Variants in XYLB observed in about 807,000 individuals in gnomAD.
XYLB encodes the protein xylulokinase, also known as xylulose kinase.
XYLB carries 62 observed loss-of-function variants against 78.7 expected under a neutral mutation model. The ratio of observed to expected loss-of-function variants is 0.79; its 90% CI spans 0.64 to 0.97. The LOEUF is 0.97. Among genes scored for constraint, XYLB ranks in the 50% least tolerant of loss-of-function variants. XYLB has a pLI of 0.00. For synonymous variants in XYLB, 245 were observed against 247.4 expected, an observed-to-expected ratio of 0.99 and a Z score of 0.09; for missense variants, 687 against 676.8, an observed-to-expected ratio of 1.02 and a Z score of -0.17.
At chr3:38,439,628 G>A in the XYLB span, among the ~76,000 whole-genome samples, 4,467 of 152,214 alleles carry the variant, frequency 0.029, 184 homozygotes, top group East Asian at 0.16. Flanking sequence ...CAGGCACAGT[G>A]GTGGGCACCT....
At chr3:38,351,671 C>T (rs763178779) in intron 2 of XYLB, among the ~76,000 whole-genome samples, 17 of 152,166 alleles carry the variant, frequency 1.1e-4, no homozygotes, top group Admixed American at 5.2e-4. Context: ...TCTTTGCAAG[C>T]GATGCCTCCT....
chr3:38,366,965 A>C (rs1175698055), intron 7 of XYLB, 92 bp downstream of exon 7: 1 of 856,476 alleles, frequency 1.2e-6, no homozygotes, highest in Non-Finnish European at 1.9e-6. Context: ...AGTGACTGAA[A>C]ACATTGATAA....
Position 38,365,223 on chromosome 3 carries a change from G to C in XYLB, c.316G>C (p.Ala106Pro). 1 of 1,614,202 alleles carries C rather than the reference G, an allele frequency of 6.2e-7. No homozygotes were observed. Among genetic ancestry groups the C allele is most frequent in the Non-Finnish European group, 8.5e-7 (1 of 1,180,030 alleles). ...GCAACACGGAAGTATATACTGGAAG[G>C]CTGGAGCCCAGCAGGCACTGACAAG... The part of the protein sequence containing the change: ...GQQHGSIYWK[A>P]GAQQALTSLS... The change falls in exon 5 of 19, where the codon GCT becomes CCT. Residue 106 changes from alanine (A) to proline (P), a missense_variant. Coordinates refer to ENST00000207870, the MANE Select transcript of XYLB (RefSeq NM_005108.4).
the XYLB span, among the ~76,000 whole-genome samples, chr3:38,430,033 T>C: frequency 6.6e-6 from 1 of 152,236 alleles, no homozygotes; most frequent in Admixed American, 6.5e-5. Flanking sequence ...CGTGTGTCTT[T>C]ATAGTAGCAT....
At position 38,379,336 on chromosome 3, in the gene XYLB, C is replaced by T. The variant is rs573319439; in HGVS notation, c.1285C>T (p.Arg429Ter). ...KRIHAEGLGYRVMSKTKILAT... is the reference protein window; with the variant it reads ...KRIHAEGLGY ...GATTCACGCAGAAGGCCTGGGCTATCGAGTCAGTAAGTGAGCCACTGGCAG... is the reference window on the plus strand; with the variant it reads ...GATTCACGCAGAAGGCCTGGGCTATTGAGTCAGTAAGTGAGCCACTGGCAG... The change falls in exon 15 of 19, where the codon CGA becomes TGA. Residue 429 changes from arginine (R) to a stop codon, truncating the protein, a stop_gained. Coordinates refer to ENST00000207870, the MANE Select transcript of XYLB (RefSeq NM_005108.4). LOFTEE classifies it high-confidence loss of function. The T allele has an allele frequency of 2.5e-5, 40 of 1,613,902 alleles. No individual in the cohort carries two copies. Among genetic ancestry groups the T allele is most frequent in the South Asian group, 4.4e-5 (4 of 91,086 alleles).
chr3:38,415,481 CTGGTATAAAGATAGTACCCAGCTGGG>C, downstream of XYLB, among the ~76,000 whole-genome samples: 1 of 152,124 alleles, frequency 6.6e-6, no homozygotes, highest in Non-Finnish European at 1.5e-5. Flanking sequence ...CCTTCTCACA[CTGGTATAAAGATAGTACCCAGCTGGG>C]AATGGTGGCT....
At chr3:38,399,605 C>G (rs988177529) in intron 17 of XYLB, among the ~76,000 whole-genome samples, 8 of 152,186 alleles carry the variant, frequency 5.3e-5, no homozygotes, top group African/African-American at 1.9e-4. Context: ...AATCTTCTGG[C>G]CTTCAGGGTT....
downstream of XYLB, among the ~76,000 whole-genome samples, chr3:38,416,732 A>G (rs527781068): frequency 6.6e-6 from 1 of 152,342 alleles, no homozygotes; most frequent in South Asian, 2.1e-4. Flanking sequence ...ACAATGAAGG[A>G]TACATTAAAA....
intron 10 of XYLB, among the ~76,000 whole-genome samples, chr3:38,373,779 C>T (rs1273666413): frequency 6.6e-6 from 1 of 152,214 alleles, no homozygotes; most frequent in African/African-American, 2.4e-5. Flanking sequence ...CATGTTGATT[C>T]ACTCAGCATT....
At chr3:38,422,911 C>T (rs775461882), downstream of XYLB, among the ~76,000 whole-genome samples, 5 of 152,132 alleles carry the variant, frequency 3.3e-5, no homozygotes, top group Admixed American at 3.3e-4. Flanking sequence ...GCCTCCGGAA[C>T]CTATACCTTT....
chr3:38,350,197 C>T (rs897030395), intron 2 of XYLB, among the ~76,000 whole-genome samples: 5 of 152,198 alleles, frequency 3.3e-5, no homozygotes, highest in Non-Finnish European at 7.3e-5. Flanking sequence ...CATTGTGTTG[C>T]CAACTCTTTG....
At chr3:38,376,891 G>C in intron 13 of XYLB, 27 bp from the exon 14 acceptor site, 1 of 1,597,752 alleles carries the variant, frequency 6.3e-7, no homozygotes. Context: ...ACTAATGACG[G>C]CTGATCTCTT....
chr3:38,441,171 G>C, the XYLB span, among the ~76,000 whole-genome samples: 1 of 152,214 alleles, frequency 6.6e-6, no homozygotes, highest in Non-Finnish European at 1.5e-5. Flanking sequence ...TTTAATGGGG[G>C]TTCCCCCAGA....
At chr3:38,357,603 G>T (rs1395076951) in intron 2 of XYLB, among the ~76,000 whole-genome samples, 1 of 152,102 alleles carries the variant, frequency 6.6e-6, no homozygotes, top group East Asian at 1.9e-4. Flanking sequence ...AGCCAGGATG[G>T]TCTCGATCTC....
intron 15 of XYLB, among the ~76,000 whole-genome samples, chr3:38,379,737 C>T (rs1353218657): frequency 1.3e-5 from 2 of 152,124 alleles, no homozygotes; most frequent in African/African-American, 4.8e-5. Flanking sequence ...TGGCCAGGTC[C>T]CATTGCCTGT....
chr3:38,450,487 G>A, the XYLB span, among the ~76,000 whole-genome samples: 7 of 152,130 alleles, frequency 4.6e-5, no homozygotes, highest in African/African-American at 9.7e-5. Context: ...GGGAATAGTG[G>A]TCCTAACACA....
At chr3:38,429,122 C>A in the XYLB span, among the ~76,000 whole-genome samples, 1 of 152,192 alleles carries the variant, frequency 6.6e-6, no homozygotes, top group East Asian at 1.9e-4. Flanking sequence ...GTCTGACCAT[C>A]TCAATCCAAC....
chr3:38,376,023 C>G, intron 12 of XYLB, 94 bp from the exon 13 acceptor site: 1 of 846,960 alleles, frequency 1.2e-6, no homozygotes, highest in Non-Finnish European at 2.0e-6. Flanking sequence ...CCAGCCTGAC[C>G]TGCAGTTCCT....
chr3:38,417,178 G>T (rs955799068), downstream of XYLB, among the ~76,000 whole-genome samples: 6 of 152,212 alleles, frequency 3.9e-5, no homozygotes, highest in African/African-American at 1.4e-4. Flanking sequence ...GCCCACACCT[G>T]TAATCCCAGC....
Sources: gnomAD v4.1 joint callset for allele counts (sites outside exome capture counted in the v4.1 genomes callset) on GRCh38, gnomAD v4.1.1 for gene constraint, MANE v1.5 for transcripts, NCBI Gene and HGNC (gene_info 2026-07-23, HGNC 2026-07-21) for gene names.